Variants in XPO4 observed in about 807,000 individuals in gnomAD.
XPO4 encodes the protein exportin-4.
A neutral mutation model predicts 143.0 loss-of-function variants in XPO4; 39 were observed. The ratio of observed to expected loss-of-function variants is 0.27; its 90% CI spans 0.21 to 0.36. XPO4 has a LOEUF of 0.36. Among genes scored for constraint, XPO4 ranks in the 10% least tolerant of loss-of-function variants. The probability of loss-of-function intolerance (pLI) is 1.00; values close to 1 mark genes in which losing one functional copy is unlikely to be tolerated. For missense variants in XPO4, 907 were observed against 1,348.0 expected, an observed-to-expected ratio of 0.67 and a Z score of 5.12; for synonymous variants, 439 against 474.0, an observed-to-expected ratio of 0.93 and a Z score of 0.96.
intron 7 of XPO4, among the ~76,000 whole-genome samples, chr13:20,826,469 G>A (rs368699370): frequency 1.2e-4 from 19 of 152,144 alleles, no homozygotes; most frequent in African/African-American, 4.3e-4. Flanking sequence ...CAGTATCTGC[G>A]TTTCCCATTC....
rs998072655 is a variant in XPO4, at chr13:20,800,120, C to T, written c.2147+36G>A. ...TGAAAAAGAGTTTCTCACCCACACA[C>T]ATACACACACAGTCAGCCTCCAACA... On this transcript the variant is annotated intron_variant, in intron 15 of 22. Coordinates refer to ENST00000255305, the MANE Select transcript of XPO4 (RefSeq NM_022459.5). 3.1e-6 allele frequency: 5 copies of T among 1,611,856 alleles called. No homozygotes were observed. The African/African-American group carries it at 4.0e-5, about 13-fold the overall frequency.
At chr13:20,850,197 C>T in intron 4 of XPO4, 31 of 985,186 alleles carry the variant, frequency 3.1e-5, no homozygotes, top group Non-Finnish European at 3.7e-5. Flanking sequence ...GAGAGAAAAA[C>T]ACATGATTTA....
chr13:20,817,466 G>A (rs955777582), intron 9 of XPO4, among the ~76,000 whole-genome samples: 12 of 152,068 alleles, frequency 7.9e-5, no homozygotes, highest in African/African-American at 2.7e-4. Context: ...TTGAGATTAG[G>A]CTACAAATAT....
At chr13:20,867,982 G>A (rs935748685) in intron 2 of XPO4, among the ~76,000 whole-genome samples, 1 of 152,034 alleles carries the variant, frequency 6.6e-6, no homozygotes, top group Non-Finnish European at 1.5e-5. Flanking sequence ...TGCCATCTTT[G>A]GATAAGAGTT....
chr13:20,817,185 CTT>C (rs1236136069), intron 9 of XPO4, among the ~76,000 whole-genome samples: 3 of 152,234 alleles, frequency 2.0e-5, no homozygotes, highest in Non-Finnish European at 4.4e-5. Flanking sequence ...TGTTTTCCCT[CTT>C]ATCACTGAGA....
intron 4 of XPO4, chr13:20,852,329 A>AT: frequency 1.0e-6 from 1 of 985,448 alleles, no homozygotes; most frequent in Non-Finnish European, 1.2e-6. Context: ...GATTCAGGGC[A>AT]TTGGGGGCAA....
intron 22 of XPO4, among the ~76,000 whole-genome samples, chr13:20,786,308 T>C (rs1473669627): frequency 1.1e-4 from 1 of 9,036 alleles, no homozygotes; most frequent in African/African-American, 1.9e-4. Context: ...CGTGTGTGTG[T>C]ATATATATAT....
At chr13:20,790,645 T>C in intron 18 of XPO4, 65 bp from the exon 19 acceptor site, 1 of 1,293,730 alleles carries the variant, frequency 7.7e-7, no homozygotes, top group East Asian at 2.4e-5. Flanking sequence ...GTGTGTATTC[T>C]ACCCTTATGA....
chr13:20,808,960 T>G, intron 11 of XPO4, 123 bp downstream of exon 11: 1 of 1,115,414 alleles, frequency 9.0e-7, no homozygotes. Flanking sequence ...TTTCTGTCCA[T>G]TTGTTCCAGT....
At chr13:20,840,196 C>T (rs2059960781) in intron 6 of XPO4, among the ~76,000 whole-genome samples, 1 of 150,724 alleles carries the variant, frequency 6.6e-6, no homozygotes, top group Non-Finnish European at 1.5e-5. Context: ...AGACAAATCA[C>T]CTTTTATTTT....
At chr13:20,835,281 C>T (rs1190544833) in intron 6 of XPO4, among the ~76,000 whole-genome samples, 1 of 152,146 alleles carries the variant, frequency 6.6e-6, no homozygotes, top group African/African-American at 2.4e-5. Flanking sequence ...AAGGGCTTTA[C>T]ATATATGTGC....
chr13:20,818,645 A>C (rs527805370), intron 9 of XPO4, among the ~76,000 whole-genome samples: 49 of 152,380 alleles, frequency 3.2e-4, no homozygotes, highest in Non-Finnish European at 5.9e-4. Flanking sequence ...AATTTTAAAA[A>C]ATTAGAATTA....
chr13:20,868,441 T>C (rs2060263782), intron 2 of XPO4, 155 bp downstream of exon 2: 3 of 1,201,772 alleles, frequency 2.5e-6, no homozygotes, highest in Non-Finnish European at 3.2e-6. Context: ...ACAGAATATC[T>C]TTAAAGCTAC....
intron 9 of XPO4, among the ~76,000 whole-genome samples, chr13:20,818,075 C>T (rs1195497986): frequency 6.6e-6 from 1 of 152,164 alleles, no homozygotes; most frequent in East Asian, 1.9e-4. Context: ...CGTGAGCCAC[C>T]AAGCCCAGCA....
At chr13:20,788,430 A>T in intron 20 of XPO4, 56 bp downstream of exon 20, 1 of 1,563,560 alleles carries the variant, frequency 6.4e-7, no homozygotes, top group Non-Finnish European at 8.6e-7. Context: ...CTTTTCTTTA[A>T]AGGAAGATCT....
intron 6 of XPO4, among the ~76,000 whole-genome samples, chr13:20,831,074 AC>A (rs2138009330): frequency 6.6e-6 from 1 of 152,200 alleles, no homozygotes; most frequent in African/African-American, 2.4e-5. Flanking sequence ...AATAAAAAAA[AC>A]CATTTCAACC....
intron 17 of XPO4, 140 bp from the exon 18 acceptor site, chr13:20,796,396 T>A: frequency 1.5e-6 from 1 of 676,402 alleles, no homozygotes; most frequent in Non-Finnish European, 2.2e-6. Context: ...AAACAATAAT[T>A]TCTAGAAAGC....
At chr13:20,849,231 C>T (rs558648906) in intron 4 of XPO4, 2 of 985,390 alleles carry the variant, frequency 2.0e-6, no homozygotes, top group South Asian at 9.4e-5. Context: ...AAGCAGACTT[C>T]CAGCTGCTCT....
At chr13:20,889,223 T>C (rs1050146101) in intron 1 of XPO4, among the ~76,000 whole-genome samples, 5 of 152,212 alleles carry the variant, frequency 3.3e-5, no homozygotes, top group Non-Finnish European at 5.9e-5. Context: ...ATATTTCAAG[T>C]GCCATGTGCG....
Sources: gnomAD v4.1 joint callset for allele counts (sites outside exome capture counted in the v4.1 genomes callset) on GRCh38, gnomAD v4.1.1 for gene constraint, MANE v1.5 for transcripts, NCBI Gene and HGNC (gene_info 2026-07-23, HGNC 2026-07-21) for gene names.